Variants in KCNIP4 observed in about 807,000 individuals in gnomAD.
KCNIP4 encodes Kv channel-interacting protein 4.
Under a neutral mutation model 34.0 loss-of-function variants are expected in KCNIP4, and 12 were observed. That is an observed-to-expected ratio of 0.35 (90% CI 0.23 to 0.57). The LOEUF is 0.57. Among genes scored for constraint, KCNIP4 ranks in the 20% least tolerant of loss-of-function variants. The pLI is 0.83. For synonymous variants in KCNIP4, 124 were observed against 102.2 expected, an observed-to-expected ratio of 1.21 and a Z score of -1.29; for missense variants, 238 against 311.7, an observed-to-expected ratio of 0.76 and a Z score of 1.78.
intron 3 of KCNIP4, among the ~76,000 whole-genome samples, chr4:20,830,068 A>G (rs1166638048): frequency 1.3e-5 from 2 of 152,130 alleles, no homozygotes; most frequent in East Asian, 3.9e-4. Context: ...ATGTCAATCC[A>G]TTCTTCTGAA....
chr4:21,209,266 C>G (rs1757063345), intron 1 of KCNIP4, among the ~76,000 whole-genome samples: 1 of 152,088 alleles, frequency 6.6e-6, no homozygotes, highest in Non-Finnish European at 1.5e-5. Flanking sequence ...GTGTTGGGAA[C>G]ACTCAGTATC....
chr4:20,950,740 A>G (rs1163026842), intron 1 of KCNIP4, among the ~76,000 whole-genome samples: 3 of 152,096 alleles, frequency 2.0e-5, no homozygotes, highest in Non-Finnish European at 4.4e-5. Flanking sequence ...TATTAATGCA[A>G]TCATAGCCTT....
At chr4:21,463,988 T>C (rs573324760) in intron 1 of KCNIP4, among the ~76,000 whole-genome samples, 1 of 152,152 alleles carries the variant, frequency 6.6e-6, no homozygotes, top group East Asian at 1.9e-4. Context: ...AGCTACCTAA[T>C]TTGTTGGCAC....
At chr4:21,465,902 C>G (rs1045311044) in intron 1 of KCNIP4, among the ~76,000 whole-genome samples, 1 of 152,148 alleles carries the variant, frequency 6.6e-6, no homozygotes, top group African/African-American at 2.4e-5. Context: ...TTCATGTGCT[C>G]CAGCACCTGC....
chr4:20,881,998 T>C (rs1001452703), intron 2 of KCNIP4, among the ~76,000 whole-genome samples: 8 of 152,186 alleles, frequency 5.3e-5, no homozygotes, highest in Non-Finnish European at 1.2e-4. Context: ...CAAATAAGTC[T>C]CTTTACATAT....
intron 1 of KCNIP4, among the ~76,000 whole-genome samples, chr4:20,959,623 G>C (rs912381601): frequency 1.3e-5 from 2 of 152,090 alleles, no homozygotes; most frequent in African/African-American, 4.8e-5. Flanking sequence ...GCATTCCCCA[G>C]CTCCAGTAAA....
chr4:21,458,525 C>T (rs577367552), intron 1 of KCNIP4, among the ~76,000 whole-genome samples: 1 of 152,116 alleles, frequency 6.6e-6, no homozygotes, highest in Admixed American at 6.6e-5. Flanking sequence ...CCACCTATGA[C>T]TGAAATCAGT....
At chr4:21,321,229 G>C (rs368294184) in intron 1 of KCNIP4, among the ~76,000 whole-genome samples, 1 of 152,122 alleles carries the variant, frequency 6.6e-6, no homozygotes, top group Non-Finnish European at 1.5e-5. Flanking sequence ...AGCCAGCAAG[G>C]TTTCAGCCTT....
intron 4 of KCNIP4, among the ~76,000 whole-genome samples, chr4:20,750,889 G>T (rs1753490135): frequency 6.6e-6 from 1 of 151,622 alleles, no homozygotes; most frequent in Admixed American, 6.6e-5. Flanking sequence ...AACCTTTATT[G>T]GGTTTTAACT....
At chr4:21,846,201 ATT>A (rs979541431) in intron 1 of KCNIP4, 2 of 152,108 alleles carry the variant, frequency 1.3e-5, no homozygotes, top group Non-Finnish European at 2.9e-5. Flanking sequence ...TGAGATACTA[ATT>A]TCCATGCACA....
At chr4:20,886,898 A>G (rs1358294319) in intron 1 of KCNIP4, among the ~76,000 whole-genome samples, 2 of 152,198 alleles carry the variant, frequency 1.3e-5, no homozygotes, top group African/African-American at 4.8e-5. Context: ...TGTACTATAA[A>G]AAAATTACTA....
intron 2 of KCNIP4, among the ~76,000 whole-genome samples, chr4:20,858,593 T>C (rs1454084183): frequency 6.6e-6 from 1 of 152,112 alleles, no homozygotes; most frequent in Admixed American, 6.6e-5. Context: ...ATGAGAAAAT[T>C]GAGGCTTGGA....
intron 1 of KCNIP4, among the ~76,000 whole-genome samples, chr4:20,936,274 C>G (rs1259655817): frequency 6.6e-6 from 1 of 152,140 alleles, no homozygotes; most frequent in Non-Finnish European, 1.5e-5. Flanking sequence ...ACTGCAGTTT[C>G]CATCCTGGCA....
chr4:21,209,552 T>G (rs1394982646), intron 1 of KCNIP4, among the ~76,000 whole-genome samples: 1 of 152,140 alleles, frequency 6.6e-6, no homozygotes, highest in East Asian at 1.9e-4. Context: ...CATATTGATA[T>G]TCTGTCATTT....
At chr4:21,283,625 T>C (rs1010482142) in intron 1 of KCNIP4, among the ~76,000 whole-genome samples, 5 of 125,012 alleles carry the variant, frequency 4.0e-5, no homozygotes, top group Non-Finnish European at 7.9e-5. Flanking sequence ...AATCTATATA[T>C]ACATATGAAG....
chr4:20,886,775 G>C (rs1201536560), intron 1 of KCNIP4, among the ~76,000 whole-genome samples: 1 of 152,126 alleles, frequency 6.6e-6, no homozygotes, highest in Non-Finnish European at 1.5e-5. Context: ...CCTAAAGCTA[G>C]AAAGACCAAA....
At chr4:21,170,310 A>G (rs1404430429) in intron 1 of KCNIP4, among the ~76,000 whole-genome samples, 1 of 152,184 alleles carries the variant, frequency 6.6e-6, no homozygotes, top group Non-Finnish European at 1.5e-5. Flanking sequence ...ATAGTGTACT[A>G]CTGAATAATA....
chr4:21,822,719 CT>C (rs71193413), intron 1 of KCNIP4, among the ~76,000 whole-genome samples: 74 of 137,828 alleles, frequency 5.4e-4, no homozygotes, highest in African/African-American at 1.2e-3. Flanking sequence ...ATTAATTTTC[CT>C]TTTTTTTTTT....
At chr4:21,355,230 C>T (rs1180780070) in intron 1 of KCNIP4, among the ~76,000 whole-genome samples, 2 of 152,122 alleles carry the variant, frequency 1.3e-5, no homozygotes, top group African/African-American at 4.8e-5. Context: ...CCTAACATCA[C>T]AATTAAAATA....
Sources: allele counts gnomAD v4.1 joint callset (sites outside exome capture counted in the v4.1 genomes callset), GRCh38; gene constraint gnomAD v4.1.1; transcripts MANE v1.5; gene names NCBI Gene and HGNC (gene_info 2026-07-23, HGNC 2026-07-21).